EXOC2: variants seen among roughly 807,000 people sequenced by gnomAD.
EXOC2 encodes SEC5-like 1.
EXOC2 carries 70 observed loss-of-function variants against 131.8 expected under a neutral mutation model. That is an observed-to-expected ratio of 0.53 (90% CI 0.44 to 0.65). The LOEUF (loss-of-function observed/expected upper bound fraction) is 0.65, where lower values mean the gene tolerates loss of function less well. EXOC2 is among the 30% of genes least tolerant of loss of function. The probability of loss-of-function intolerance (pLI) is 0.00; values close to 1 mark genes in which losing one functional copy is unlikely to be tolerated. For missense variants in EXOC2, 923 were observed against 1,108.6 expected, an observed-to-expected ratio of 0.83 and a Z score of 2.38; for synonymous variants, 411 against 398.4, an observed-to-expected ratio of 1.03 and a Z score of -0.38.
chr6:627,756 T>C (rs1326948159), intron 4 of EXOC2, among the ~76,000 whole-genome samples: 2 of 152,258 alleles, frequency 1.3e-5, no homozygotes, highest in African/African-American at 4.8e-5. Flanking sequence ...AGCTCTGACA[T>C]CTATTTATTT....
rs1420237324 is a variant in EXOC2, at chr6:506,737, TC to T, written c.2381-7038del. Among the ~76,000 whole-genome samples, 1 of 152,052 alleles carries T rather than the reference TC, an allele frequency of 6.6e-6. No individual in the cohort carries two copies. The highest frequency in any genetic ancestry group is 1.9e-4 in the East Asian group (1 of 5,202). On this transcript the variant is annotated intron_variant, in intron 23 of 27. Transcript: ENST00000230449. This position sits in a 1 kb window ranked among gnomAD's most constrained non-coding sequence, Gnocchi z 4.4. Reference sequence around the variant, plus strand: ...AAATTCCCCATGGAGAAAACAAGGCTCATCTCTACTGAGCAAGAACTTGTAG... The same window carrying T: ...AAATTCCCCATGGAGAAAACAAGGCTATCTCTACTGAGCAAGAACTTGTAG...
chr6:568,403 C>T (rs376510816), intron 13 of EXOC2, among the ~76,000 whole-genome samples: 2 of 152,204 alleles, frequency 1.3e-5, no homozygotes, highest in African/African-American at 2.4e-5. Context: ...CCTTAGGTCT[C>T]GAGCCGGCTG....
intron 26 of EXOC2, among the ~76,000 whole-genome samples, chr6:489,994 C>T: frequency 6.6e-6 from 1 of 152,218 alleles, no homozygotes; most frequent in Admixed American, 6.5e-5. Flanking sequence ...CGGGTCCCTT[C>T]CCACATTCAG....
Position 545,103 on chromosome 6 carries a change from C to T in EXOC2, c.2238+4072G>A, listed in dbSNP as rs764773487. On this transcript the variant is annotated intron_variant, in intron 22 of 27. Coordinates refer to ENST00000230449, the MANE Select transcript of EXOC2 (RefSeq NM_018303.6). ...CGGAGCTTGCAGTGAGCCGAGATTGCGCCACTGCAGTCCGCAGTCCGGCCT... is the reference window on the plus strand; with the variant it reads ...CGGAGCTTGCAGTGAGCCGAGATTGTGCCACTGCAGTCCGCAGTCCGGCCT... Among the ~76,000 whole-genome samples the T allele has an allele frequency of 9.6e-5, 13 of 135,444 alleles. 1 individual carries two copies. The highest frequency in any genetic ancestry group is 7.9e-3 in the Middle Eastern group (2 of 252). The allele number at this position is 135,444 out of a possible 152,430, so 88.9% of individuals were successfully genotyped here.
chr6:499,758 C>A (rs935399809), intron 23 of EXOC2, 58 bp from the exon 24 acceptor site: 51 of 1,416,862 alleles, frequency 3.6e-5, no homozygotes, highest in Non-Finnish European at 4.5e-5. Flanking sequence ...GCTCCCCTCC[C>A]CTGCTGGCAG....
intron 1 of EXOC2, among the ~76,000 whole-genome samples, chr6:640,934 T>C (rs983561290): frequency 6.6e-6 from 1 of 151,526 alleles, no homozygotes; most frequent in Non-Finnish European, 1.5e-5. Flanking sequence ...ACCAAATTAA[T>C]ATCGAGAGAA....
chr6:626,131 A>G (rs1761555240), intron 4 of EXOC2, among the ~76,000 whole-genome samples: 1 of 152,232 alleles, frequency 6.6e-6, no homozygotes, highest in African/African-American at 2.4e-5. Context: ...GCAGAAATAT[A>G]GACTTTTTAC....
At chr6:495,688 GA>G (rs1763689541) in intron 25 of EXOC2, among the ~76,000 whole-genome samples, 1 of 152,146 alleles carries the variant, frequency 6.6e-6, no homozygotes, top group Non-Finnish European at 1.5e-5. Flanking sequence ...CATTCTTGCC[GA>G]CGTCTACTAG....
intron 17 of EXOC2, 30 bp from the exon 18 acceptor site, chr6:556,594 C>T (rs758088133): frequency 8.1e-6 from 13 of 1,611,130 alleles, no homozygotes; most frequent in Non-Finnish European, 1.0e-5. Flanking sequence ...TTGTAAAACT[C>T]AAAAATGAGC....
At chr6:535,631 A>T (rs529307471) in intron 22 of EXOC2, among the ~76,000 whole-genome samples, 5 of 152,338 alleles carry the variant, frequency 3.3e-5, no homozygotes, top group African/African-American at 1.2e-4. Flanking sequence ...AAGTAGTCCT[A>T]TATTTATTAA....
intron 27 of EXOC2, among the ~76,000 whole-genome samples, chr6:487,516 C>T (rs1269840591): frequency 6.6e-6 from 1 of 152,148 alleles, no homozygotes; most frequent in African/African-American, 2.4e-5. Flanking sequence ...AAGCAATTCT[C>T]CTGCCTCAGC....
chr6:526,992 C>T (rs1765783367), intron 23 of EXOC2, among the ~76,000 whole-genome samples: 1 of 152,198 alleles, frequency 6.6e-6, no homozygotes, highest in South Asian at 2.1e-4. Flanking sequence ...CTGCCTTGCA[C>T]ATGGTATATA....
chr6:619,546 G>A lies in EXOC2; in HGVS notation c.423-3C>T, dbSNP rs763576880. On this transcript the variant is annotated splice_polypyrimidine_tract_variant and splice_region_variant and intron_variant, in intron 4 of 27. Transcript: ENST00000230449. ...AGTCCTTCTGCGAAAATTTACTTCT[G>A]AGGGGAAAAAACGTTTAAAATATAT... The A allele has an allele frequency of 2.5e-6, 4 of 1,605,002 alleles. No individual in the cohort carries two copies. The highest frequency in any genetic ancestry group is 1.1e-5 in the South Asian group (1 of 90,658).
intron 1 of EXOC2, among the ~76,000 whole-genome samples, chr6:643,151 C>T (rs1313217784): frequency 6.6e-6 from 1 of 152,120 alleles, no homozygotes; most frequent in African/African-American, 2.4e-5. Flanking sequence ...GAGATAAATA[C>T]ACAATCATAG....
intron 17 of EXOC2, among the ~76,000 whole-genome samples, chr6:559,630 T>C (rs1052616512): frequency 6.6e-6 from 1 of 152,208 alleles, no homozygotes; most frequent in Non-Finnish European, 1.5e-5. Flanking sequence ...TATTTTATGG[T>C]TGCAGTTGCA....
chr6:632,265 G>T (rs1014246355), intron 3 of EXOC2, among the ~76,000 whole-genome samples: 1 of 152,182 alleles, frequency 6.6e-6, no homozygotes, highest in Non-Finnish European at 1.5e-5. Context: ...TTTTGCTCAT[G>T]GATAAAGAAG....
At chr6:677,440 C>T (rs1764197575) in intron 1 of EXOC2, among the ~76,000 whole-genome samples, 1 of 152,180 alleles carries the variant, frequency 6.6e-6, no homozygotes, top group South Asian at 2.1e-4. Context: ...GAAACAATAC[C>T]AATTACATTA....
At chr6:526,745 T>A (rs1283393642) in intron 23 of EXOC2, among the ~76,000 whole-genome samples, 1 of 152,114 alleles carries the variant, frequency 6.6e-6, no homozygotes, top group Non-Finnish European at 1.5e-5. Context: ...CGGCTCTTCG[T>A]GGATTTCTAA....
chr6:559,540 G>A (rs890177476), intron 17 of EXOC2, among the ~76,000 whole-genome samples: 27 of 152,126 alleles, frequency 1.8e-4, no homozygotes, highest in South Asian at 6.2e-4. Flanking sequence ...TCATTCATTC[G>A]CAAGGTGCAC....
Sources: allele counts gnomAD v4.1 joint callset (sites outside exome capture counted in the v4.1 genomes callset), GRCh38; gene constraint gnomAD v4.1.1; non-coding constraint Gnocchi (gnomAD v3.1); transcripts MANE v1.5; gene names NCBI Gene and HGNC (gene_info 2026-07-23, HGNC 2026-07-21).